SYNE2: variants seen among roughly 807,000 people sequenced by gnomAD.
SYNE2 encodes the protein spectrin repeat containing nuclear envelope protein 2.
SYNE2 carries 431 observed loss-of-function variants against 856.3 expected under a neutral mutation model. The observed-to-expected ratio is 0.50, with a 90% CI of 0.47 to 0.55. The LOEUF (loss-of-function observed/expected upper bound fraction) is 0.55. Ranked by LOEUF, SYNE2 falls within the 20% of genes least tolerant of loss-of-function variation. The pLI is 0.00. For synonymous variants in SYNE2, 2,923 were observed against 2,872.3 expected (o/e 1.02, Z -0.56); for missense variants, 8,129 against 8,023.2 (o/e 1.01, Z -0.50).
At chr14:63,965,226 G>A (rs1734122515) in intron 10 of SYNE2, among the ~76,000 whole-genome samples, 1 of 152,268 alleles carries the variant, frequency 6.6e-6, no homozygotes, top group African/African-American at 2.4e-5. Context: ...GCCTCCTAAA[G>A]TGCTGTGATT....
chr14:63,891,396 G>A (rs1345067239), intron 1 of SYNE2, among the ~76,000 whole-genome samples: 1 of 152,190 alleles, frequency 6.6e-6, no homozygotes, highest in Admixed American at 6.5e-5. Context: ...ACTAGGAAAT[G>A]TGTGATATAC....
intron 1 of SYNE2, among the ~76,000 whole-genome samples, chr14:63,903,366 GTTTGA>G (rs1160513847): frequency 2.6e-5 from 4 of 152,152 alleles, no homozygotes; most frequent in African/African-American, 9.7e-5. Context: ...CTTTTGCCTT[GTTTGA>G]TAATAAATTT....
At chr14:63,884,091 C>T (rs937942188) in intron 1 of SYNE2, among the ~76,000 whole-genome samples, 5 of 152,150 alleles carry the variant, frequency 3.3e-5, no homozygotes, top group Non-Finnish European at 7.4e-5. Flanking sequence ...GCCTGGATGT[C>T]AGGGCCAGAG....
At chr14:63,887,681 T>C (rs887691982) in intron 1 of SYNE2, among the ~76,000 whole-genome samples, 3 of 152,076 alleles carry the variant, frequency 2.0e-5, no homozygotes, top group Non-Finnish European at 2.9e-5. Flanking sequence ...ATTCCTAGTA[T>C]TTGAAATATG....
chr14:63,875,242 A>C (rs1167385254), intron 1 of SYNE2, among the ~76,000 whole-genome samples: 1 of 152,108 alleles, frequency 6.6e-6, no homozygotes, highest in African/African-American at 2.4e-5. Context: ...AGGAATCCTG[A>C]TTTTATTTTA....
intron 2 of SYNE2, among the ~76,000 whole-genome samples, chr14:63,920,121 A>G (rs1050079284): frequency 2.0e-5 from 3 of 152,034 alleles, no homozygotes; most frequent in African/African-American, 7.3e-5. Context: ...ACTGTGTATA[A>G]GGACTGTGCT....
intron 99 of SYNE2, chr14:64,190,525 A>G: frequency 1.5e-6 from 1 of 675,740 alleles, no homozygotes; most frequent in Non-Finnish European, 2.7e-6. Context: ...GGGAGGGGGT[A>G]TTGTTTAGAA....
rs1226346870 is a variant in SYNE2 at position 64,170,439 on chromosome 14, A to G, written c.17212A>G (p.Arg5738Gly). ...GGAGCGCTTCAGCCTCTACCAAACC[A>G]GAAGTCTGATCCATGAGCTGAAGGT... is the stretch of plus-strand genomic sequence containing the variant. Reference protein sequence around the residue: ...GQERFSLYQTRSLIHELKNKE... With the variant: ...GQERFSLYQTGSLIHELKNKE... Residue 5738 changes from arginine (R) to glycine (G), a missense_variant, in exon 94 of 116, where the codon AGA becomes GGA. Physicochemically the swap from Arg to Gly is moderately radical, Grantham distance 125. Transcript: ENST00000555002. 3 of 1,613,048 alleles carry G rather than the reference A, an allele frequency of 1.9e-6. No homozygotes were observed. Among genetic ancestry groups the G allele is most frequent in the South Asian group, 2.2e-5 (2 of 90,822 alleles).
intron 8 of SYNE2, among the ~76,000 whole-genome samples, chr14:63,958,861 G>A (rs947691053): frequency 7.6e-4 from 115 of 152,198 alleles, no homozygotes; most frequent in Non-Finnish European, 1.3e-4. Flanking sequence ...ATACTACTTC[G>A]TTTATTTTAA....
intron 2 of SYNE2, among the ~76,000 whole-genome samples, chr14:63,939,347 CTTTTTTTTT>C (rs1056199146): frequency 2.6e-5 from 3 of 115,176 alleles, no homozygotes; most frequent in South Asian, 2.9e-4. Flanking sequence ...TTTTTTTTTT[CTTTTTTTTT>C]TTTTTTTTTG....
intron 1 of SYNE2, among the ~76,000 whole-genome samples, chr14:63,763,049 C>T (rs755619155): frequency 1.2e-4 from 18 of 152,194 alleles, no homozygotes; most frequent in Non-Finnish European, 2.1e-4. Flanking sequence ...CTCACTGCAA[C>T]CTCTGCCTCC....
intron 91 of SYNE2, 36 bp from the exon 92 acceptor site, chr14:64,167,459 G>C (rs1385489837): frequency 4.3e-6 from 7 of 1,614,122 alleles, no homozygotes; most frequent in Non-Finnish European, 5.9e-6. Flanking sequence ...GAATGGCATT[G>C]TTAACATGGG....
At chr14:63,800,056 C>T (rs1888073107) in intron 1 of SYNE2, among the ~76,000 whole-genome samples, 3 of 151,994 alleles carry the variant, frequency 2.0e-5, no homozygotes. Context: ...AGTTAAAAAA[C>T]AAACAAACAA....
chr14:64,151,249 C>T (rs964711017), intron 84 of SYNE2, among the ~76,000 whole-genome samples: 9 of 151,768 alleles, frequency 5.9e-5, no homozygotes, highest in African/African-American at 1.9e-4. Context: ...GGGCTCCTCA[C>T]GTGGTAATCT....
intron 55 of SYNE2, among the ~76,000 whole-genome samples, chr14:64,079,385 T>A (rs575231225): frequency 1.1e-3 from 160 of 152,360 alleles, no homozygotes; most frequent in African/African-American, 3.7e-3. Flanking sequence ...AAAGGATTCT[T>A]GTTCTAATCT....
chr14:63,838,525 G>GT (rs201838911), intron 1 of SYNE2, among the ~76,000 whole-genome samples: 151 of 150,784 alleles, frequency 1.0e-3, no homozygotes, highest in African/African-American at 3.3e-3. Context: ...ATTTACTGTT[G>GT]TTTTTTTTTA....
At position 64,220,531 on chromosome 14, in the gene SYNE2, C is replaced by T. The variant is rs2140381867; in HGVS notation, c.19955C>T (p.Thr6652Ile). Reference protein sequence around the residue: ...EFLQTESPESTELQSRLRQLS... With the variant: ...EFLQTESPESIELQSRLRQLS... ...CTGCAAACCGAGAGCCCCGAATCCACAGAGCTCCAAAGTAGACTCCGCCAG... is the reference window on the plus strand; with the variant it reads ...CTGCAAACCGAGAGCCCCGAATCCATAGAGCTCCAAAGTAGACTCCGCCAG... The change falls in exon 111 of 116, where the codon ACA (threonine) becomes ATA (isoleucine). Residue 6652 changes from threonine (T) to isoleucine (I), a missense_variant. Coordinates refer to ENST00000555002, the MANE Select transcript of SYNE2 (RefSeq NM_182914.3). 3 of 1,614,160 alleles carry T rather than the reference C, an allele frequency of 1.9e-6. 1 individual carries two copies. Among genetic ancestry groups the T allele is most frequent in the Non-Finnish European group, 8.5e-7 (1 of 1,180,032 alleles).
intron 30 of SYNE2, among the ~76,000 whole-genome samples, chr14:64,005,290 G>C (rs2096787700): frequency 6.6e-6 from 1 of 152,196 alleles, no homozygotes; most frequent in Non-Finnish European, 1.5e-5. Context: ...AGAAGACATG[G>C]GAAGTCTGGT....
At chr14:64,000,436 A>T in intron 27 of SYNE2, 126 bp from the exon 28 acceptor site, 1 of 892,124 alleles carries the variant, frequency 1.1e-6, no homozygotes, top group Non-Finnish European at 1.8e-6. Context: ...AAGTATTTTT[A>T]AACACATTTA....
Sources: gnomAD v4.1 joint callset for allele counts (sites outside exome capture counted in the v4.1 genomes callset) on GRCh38, gnomAD v4.1.1 for gene constraint, MANE v1.5 for transcripts, NCBI Gene and HGNC (gene_info 2026-07-23, HGNC 2026-07-21) for gene names.